The following CPSF2 variants were observed in gnomAD, a reference collection of about 807,000 sequenced individuals.
CPSF2 encodes the protein cleavage and polyadenylation specificity factor subunit 2.
CPSF2 carries 51 observed loss-of-function variants against 84.2 expected under a neutral mutation model. The observed-to-expected ratio is 0.61, with a 90% CI of 0.48 to 0.77. The LOEUF is 0.77. Among genes scored for constraint, CPSF2 ranks in the 30% least tolerant of loss-of-function variants. The probability of loss-of-function intolerance (pLI) is 0.00; values close to 1 mark genes in which losing one functional copy is unlikely to be tolerated. For synonymous variants in CPSF2, 286 were observed against 311.9 expected (o/e 0.92, Z 0.87); for missense variants, 641 against 929.4 (o/e 0.69, Z 4.03).
At chr14:92,143,673 ATAGTT>A (rs1292595084) in intron 9 of CPSF2, among the ~76,000 whole-genome samples, 1 of 152,212 alleles carries the variant, frequency 6.6e-6, no homozygotes, top group Non-Finnish European at 1.5e-5. Context: ...TGGTGCTATC[ATAGTT>A]CCGTGCAGCC....
intron 5 of CPSF2, 21 bp downstream of exon 5, chr14:92,134,376 T>G: frequency 6.6e-7 from 1 of 1,509,322 alleles, no homozygotes; most frequent in Non-Finnish European, 9.2e-7. Flanking sequence ...TTTCCAGTAG[T>G]AAGTATTTAG....
At chr14:92,142,951 T>A in intron 8 of CPSF2, 53 bp from the exon 9 acceptor site, 1 of 1,406,662 alleles carries the variant, frequency 7.1e-7, no homozygotes, top group Non-Finnish European at 9.7e-7. Context: ...AGAGAATATA[T>A]TGAAGTTATA....
rs1196792270 is a variant in CPSF2 at position 92,167,422 on chromosome 14, C to CTCTCTAAAT, written c.*5679_*5680insCTCTAAATT. 6.6e-5 allele frequency: 10 copies of CTCTCTAAAT among 152,120 alleles called. No homozygotes were observed. The allele number at this position is 152,120 out of a possible 1,614,324, so 9.4% of individuals were successfully genotyped here. ...CTTTTAATGTTAGTGCTGAAAGGGA[C>CTCTCTAAAT]TAGAGAGCTCATCTAATTCAACCCA... On this transcript the variant is annotated 3_prime_UTR_variant, in exon 16 of 16. Transcript: ENST00000298875.
chr14:92,136,204 A>G (rs2068996701), intron 6 of CPSF2, among the ~76,000 whole-genome samples: 1 of 152,180 alleles, frequency 6.6e-6, no homozygotes, highest in Admixed American at 6.5e-5. Context: ...CTGTACATTA[A>G]GTTCATAGCT....
At chr14:92,136,817 G>GA (rs982743248) in intron 6 of CPSF2, among the ~76,000 whole-genome samples, 5 of 152,032 alleles carry the variant, frequency 3.3e-5, no homozygotes, top group African/African-American at 9.7e-5. Flanking sequence ...AACCATTTTG[G>GA]AAAAAAATCA....
chr14:92,159,426 G>C (rs2069338986), intron 14 of CPSF2, 144 bp downstream of exon 14: 4 of 653,124 alleles, frequency 6.1e-6, no homozygotes, highest in Middle Eastern at 4.2e-4. Flanking sequence ...ATATATGTCA[G>C]CTGGGGGCAG....
At position 92,127,749 on chromosome 14, in the gene CPSF2, G is replaced by A. The variant is rs191155627; in HGVS notation, c.-35+1569G>A. ...TCTTTCAGAAGGTGAATAAGAATGG[G>A]ATCAACGGCACACATAGAGGGATTG... On this transcript the variant is annotated intron_variant, in intron 2 of 15. Coordinates refer to ENST00000298875, the MANE Select transcript of CPSF2 (RefSeq NM_017437.3). 2.9e-3 allele frequency among the ~76,000 whole-genome samples: 436 copies of A among 152,286 alleles called. 1 individual carries two copies. Among genetic ancestry groups the A allele is most frequent in the Non-Finnish European group, 4.7e-3 (317 of 68,024 alleles).
Position 92,169,319 on chromosome 14 carries a change from C to T in CPSF2, c.*7575C>T, listed in dbSNP as rs1420041194. On this transcript the variant is annotated 3_prime_UTR_variant, in exon 16 of 16. Coordinates refer to ENST00000298875, the MANE Select transcript of CPSF2 (RefSeq NM_017437.3). ...CACTTGTTACTACATGACCCCCCCACACCCCCTAAAAAAGAAAAAGGACTT... is the reference window on the plus strand; with the variant it reads ...CACTTGTTACTACATGACCCCCCCATACCCCCTAAAAAAGAAAAAGGACTT... 6.6e-6 allele frequency: 1 copy of T among 152,194 alleles called. No individual in the cohort carries two copies. Among genetic ancestry groups the T allele is most frequent in the Non-Finnish European group, 1.5e-5 (1 of 68,050 alleles). The allele number at this position is 152,194 out of a possible 1,614,324, so 9.4% of individuals were successfully genotyped here. A position where few individuals can be genotyped will look rare whatever the true frequency, so the allele number is the denominator to read the frequency against.
chr14:92,147,265 G>A (rs935778828), intron 9 of CPSF2, among the ~76,000 whole-genome samples: 2 of 152,142 alleles, frequency 1.3e-5, no homozygotes, highest in African/African-American at 2.4e-5. Flanking sequence ...GATAAGAAAA[G>A]TTTACCAAGT....
At chr14:92,158,954 A>C (rs765283243) in intron 13 of CPSF2, 29 bp from the exon 14 acceptor site, 10 of 1,557,282 alleles carry the variant, frequency 6.4e-6, no homozygotes, top group Non-Finnish European at 8.7e-6. Context: ...TGTGGGTTTT[A>C]TTTCTCTCCC....
At chr14:92,161,477 G>A (rs1235573704) in intron 15 of CPSF2, among the ~76,000 whole-genome samples, 175 bp from the exon 16 acceptor site, 1 of 152,102 alleles carries the variant, frequency 6.6e-6, no homozygotes, top group Non-Finnish European at 1.5e-5. Context: ...TGAATCTTCT[G>A]ACATTTATGT....
intron 9 of CPSF2, among the ~76,000 whole-genome samples, chr14:92,145,870 C>G (rs141142239): frequency 2.1e-3 from 322 of 152,260 alleles, no homozygotes; most frequent in African/African-American, 7.3e-3. Context: ...GCTCAGGGAC[C>G]TTTTCTTGCT....
chr14:92,143,234 T>C lies in CPSF2; in HGVS notation c.1080T>C (p.Thr360=). The change falls in exon 9 of 16, where the codon ACT becomes ACC. Residue 360 remains threonine (T), a synonymous_variant. Transcript: ENST00000298875. ...KNSIILTYRT[T]PGTLARFLID... ...CAATCATTCTAACCTACAGAACTACTCCTGGGACTTTAGCACGTTTCCTAA... is the reference window on the plus strand; with the variant it reads ...CAATCATTCTAACCTACAGAACTACCCCTGGGACTTTAGCACGTTTCCTAA... The C allele has an allele frequency of 6.2e-7, 1 of 1,613,322 alleles. No individual in the cohort carries two copies. Among genetic ancestry groups the C allele is most frequent in the Admixed American group, 1.7e-5 (1 of 59,982 alleles).
intron 6 of CPSF2, among the ~76,000 whole-genome samples, chr14:92,136,919 T>C (rs2069007321): frequency 1.3e-5 from 2 of 152,066 alleles, no homozygotes; most frequent in Admixed American, 1.3e-4. Context: ...TGATCTCTGA[T>C]TTGGAAAAGA....
In CPSF2 at chr14:92,156,756, A is replaced by ATTTAG. The variant is rs2069296076; in HGVS notation, c.1595+129_1595+130insGTTTA. The ATTTAG allele has an allele frequency of 6.3e-6, 4 of 638,070 alleles. No homozygotes were observed. The East Asian group carries it at 1.2e-4, about 19-fold the overall frequency. The allele number at this position is 638,070 out of a possible 1,614,324, so 39.5% of individuals were successfully genotyped here. On this transcript the variant is annotated intron_variant, in intron 12 of 15. Coordinates refer to ENST00000298875, the MANE Select transcript of CPSF2 (RefSeq NM_017437.3). ...TCTTTAGTAAGTTTGTGCTTTTAAA[A>ATTTAG]TTTATTTTTGTATGAAGAGACTTGT...
At chr14:92,128,408 G>T (rs142678193) in intron 2 of CPSF2, among the ~76,000 whole-genome samples, 1 of 152,110 alleles carries the variant, frequency 6.6e-6, no homozygotes, top group African/African-American at 2.4e-5. Flanking sequence ...ACTTGAACCC[G>T]GGAGATGGAG....
intron 6 of CPSF2, 135 bp from the exon 7 acceptor site, chr14:92,138,097 C>G (rs959560453): frequency 6.9e-6 from 3 of 436,478 alleles, no homozygotes; most frequent in Non-Finnish European, 8.3e-6. Flanking sequence ...GATTTCTTAT[C>G]AATGAGCATG....
intron 2 of CPSF2, among the ~76,000 whole-genome samples, chr14:92,126,762 C>T (rs2068850638): frequency 6.6e-6 from 1 of 152,116 alleles, no homozygotes; most frequent in Non-Finnish European, 1.5e-5. Flanking sequence ...CATGATTGCA[C>T]CACTGCACTC....
At chr14:92,155,785 A>G (rs1470479248) in intron 11 of CPSF2, among the ~76,000 whole-genome samples, 1 of 151,336 alleles carries the variant, frequency 6.6e-6, no homozygotes, top group African/African-American at 2.4e-5. Flanking sequence ...AAAAAAAAAG[A>G]ACTTTGGATG....
Sources: allele counts gnomAD v4.1 joint callset (sites outside exome capture counted in the v4.1 genomes callset), GRCh38; gene constraint gnomAD v4.1.1; transcripts MANE v1.5; gene names NCBI Gene and HGNC (gene_info 2026-07-23, HGNC 2026-07-21).